The following SAMD5 variants were observed in gnomAD, a reference collection of about 807,000 sequenced individuals.
SAMD5 encodes sterile alpha motif domain containing 5.
SAMD5 carries 13 observed loss-of-function variants against 11.3 expected under a neutral mutation model. That is an observed-to-expected ratio of 1.15 (90% CI 0.75 to 1.83). The LOEUF (loss-of-function observed/expected upper bound fraction) is 1.83. Among genes scored for constraint, SAMD5 ranks in the 40% most tolerant of loss-of-function variants. The pLI is 0.00. For synonymous variants in SAMD5, 129 were observed against 111.3 expected (o/e 1.16, Z -1.00); for missense variants, 255 against 239.1 (o/e 1.07, Z -0.44).
At chr6:147,612,940 T>C (rs966290429) in intron 1 of SAMD5, among the ~76,000 whole-genome samples, 2 of 152,164 alleles carry the variant, frequency 1.3e-5, no homozygotes, top group African/African-American at 4.8e-5. Flanking sequence ...GGCTCATACC[T>C]GTAATCCCAG....
At chr6:147,724,397 A>G (rs1345119533) in intron 1 of SAMD5, among the ~76,000 whole-genome samples, 1 of 152,158 alleles carries the variant, frequency 6.6e-6, no homozygotes, top group African/African-American at 2.4e-5. Flanking sequence ...TTAATCCTTC[A>G]GTCATCCTAA....
At chr6:147,596,484 T>C (rs1789532898) in intron 1 of SAMD5, among the ~76,000 whole-genome samples, 1 of 152,194 alleles carries the variant, frequency 6.6e-6, no homozygotes. Context: ...ATATATGAAT[T>C]ATAATGGAGA....
chr6:147,821,428 G>A, the SAMD5 span, among the ~76,000 whole-genome samples: 1 of 152,194 alleles, frequency 6.6e-6, no homozygotes. Flanking sequence ...TGGTTCTGCA[G>A]GGAAACCTCT....
chr6:147,611,628 T>G (rs1261512277), intron 1 of SAMD5, among the ~76,000 whole-genome samples: 1 of 152,156 alleles, frequency 6.6e-6, no homozygotes, highest in African/African-American at 2.4e-5. Flanking sequence ...CACTGTGACC[T>G]GCAGTGGGGG....
At chr6:147,610,033 A>G (rs1583105212) in intron 1 of SAMD5, among the ~76,000 whole-genome samples, 1 of 152,318 alleles carries the variant, frequency 6.6e-6, no homozygotes, top group Non-Finnish European at 1.5e-5. Flanking sequence ...GCCACGAACC[A>G]AGTATGAAGA....
At chr6:147,941,728 T>A in the SAMD5 span, among the ~76,000 whole-genome samples, 1 of 152,114 alleles carries the variant, frequency 6.6e-6, no homozygotes, top group Non-Finnish European at 1.5e-5. Context: ...GAGAATGGTA[T>A]TTTAAAACAG....
the SAMD5 span, among the ~76,000 whole-genome samples, chr6:147,855,001 TA>T: frequency 2.0e-5 from 3 of 152,178 alleles, no homozygotes; most frequent in African/African-American, 7.2e-5. Context: ...ATCACAAGTA[TA>T]GGTGGCATTC....
At chr6:147,747,520 CTT>C in the SAMD5 span, among the ~76,000 whole-genome samples, 1 of 152,094 alleles carries the variant, frequency 6.6e-6, no homozygotes, top group Non-Finnish European at 1.5e-5. Flanking sequence ...TAAAACCTGT[CTT>C]TTTGTTTTTT....
At chr6:147,938,533 G>A in the SAMD5 span, among the ~76,000 whole-genome samples, 1 of 152,136 alleles carries the variant, frequency 6.6e-6, no homozygotes. Context: ...TGGTCTTTCT[G>A]GCAGCCAGCA....
the SAMD5 span, among the ~76,000 whole-genome samples, chr6:147,870,299 A>G: frequency 6.6e-6 from 1 of 151,894 alleles, no homozygotes; most frequent in African/African-American, 2.4e-5. Context: ...AATCCTTCCC[A>G]CCTGTCAAGC....
At position 147,631,200 on chromosome 6, in the gene SAMD5, G is replaced by A. The variant is rs138080688; in HGVS notation, c.163-106117G>A. Among the ~76,000 whole-genome samples, 810 of 152,290 alleles carry A rather than the reference G, an allele frequency of 5.3e-3. 4 individuals carry two copies. The highest frequency in any genetic ancestry group is 0.019 in the African/African-American group (777 of 41,558). ...GAGAATTTGTCATATAGAATGATTG[G>A]TGATGGCCTGGATACGGTTTTGGAT... On this transcript the variant is annotated intron_variant, in intron 1 of 1. Transcript: ENST00000566741.
intron 1 of SAMD5, among the ~76,000 whole-genome samples, chr6:147,712,329 T>C (rs1791411597): frequency 6.6e-6 from 1 of 152,228 alleles, no homozygotes; most frequent in Admixed American, 6.5e-5. Flanking sequence ...ATTTATTTTT[T>C]TCCAGGAATA....
intron 1 of SAMD5, among the ~76,000 whole-genome samples, chr6:147,671,294 CAG>C (rs1219559512): frequency 2.0e-5 from 3 of 152,152 alleles, no homozygotes; most frequent in Non-Finnish European, 4.4e-5. Flanking sequence ...AAATATGACA[CAG>C]AGACACAAAG....
chr6:147,580,979 C>T (rs147042997), intron 1 of SAMD5, among the ~76,000 whole-genome samples: 1 of 152,272 alleles, frequency 6.6e-6, no homozygotes, highest in East Asian at 1.9e-4. Context: ...TACCTCTTGA[C>T]ATTCTCTAGC....
the SAMD5 span, among the ~76,000 whole-genome samples, chr6:147,789,400 T>G: frequency 6.6e-6 from 1 of 152,102 alleles, no homozygotes; most frequent in African/African-American, 2.4e-5. Flanking sequence ...TATTCATGCT[T>G]CTGCCATCTC....
chr6:147,519,177 A>C (rs1422417152), intron 1 of SAMD5, among the ~76,000 whole-genome samples: 1 of 152,204 alleles, frequency 6.6e-6, no homozygotes, highest in Non-Finnish European at 1.5e-5. Context: ...TAATGCACAG[A>C]TTTGACAAAT....
At chr6:147,849,291 C>T in the SAMD5 span, among the ~76,000 whole-genome samples, 4 of 150,966 alleles carry the variant, frequency 2.6e-5, no homozygotes, top group South Asian at 2.1e-4. Context: ...TTCACAGGTA[C>T]GGTTATGTAT....
the SAMD5 span, among the ~76,000 whole-genome samples, chr6:147,833,831 T>C: frequency 6.6e-6 from 1 of 152,236 alleles, no homozygotes; most frequent in Non-Finnish European, 1.5e-5. Context: ...AATTCAGAAG[T>C]AGTCCTTTAT....
intron 1 of SAMD5, among the ~76,000 whole-genome samples, chr6:147,630,820 C>A (rs1790138415): frequency 1.3e-5 from 2 of 152,202 alleles, no homozygotes; most frequent in East Asian, 3.9e-4. Flanking sequence ...AATTTCAATT[C>A]CTTTCCTTTT....
Sources: gnomAD v4.1 joint callset for allele counts (sites outside exome capture counted in the v4.1 genomes callset) on GRCh38, gnomAD v4.1.1 for gene constraint, MANE v1.5 for transcripts, NCBI Gene and HGNC (gene_info 2026-07-23, HGNC 2026-07-21) for gene names.